NAV2: variants seen among roughly 807,000 people sequenced by gnomAD.
The protein encoded by NAV2 is helicase, APC down-regulated 1.
A neutral mutation model predicts 223.2 loss-of-function variants in NAV2; 54 were observed. The observed-to-expected ratio is 0.24, with a 90% CI of 0.19 to 0.30. The LOEUF (loss-of-function observed/expected upper bound fraction) is 0.30, where lower values mean the gene tolerates loss of function less well. Among genes scored for constraint, NAV2 ranks in the 10% least tolerant of loss-of-function variants. NAV2 has a pLI of 1.00. For synonymous variants in NAV2, 1,279 were observed against 1,239.3 expected, an observed-to-expected ratio of 1.03 and a Z score of -0.67; for missense variants, 2,806 against 3,147.5, an observed-to-expected ratio of 0.89 and a Z score of 2.60.
At chr11:19,640,478 C>T (rs1347215027) in intron 1 of NAV2, among the ~76,000 whole-genome samples, 1 of 151,748 alleles carries the variant, frequency 6.6e-6, no homozygotes, top group Non-Finnish European at 1.5e-5. Context: ...ATATATACTA[C>T]TATATCTTAT....
At chr11:19,808,032 T>G (rs2058668364) in intron 1 of NAV2, among the ~76,000 whole-genome samples, 1 of 152,188 alleles carries the variant, frequency 6.6e-6, no homozygotes. Flanking sequence ...AGCTTGGTAT[T>G]GAGACCTGGC....
intron 1 of NAV2, among the ~76,000 whole-genome samples, chr11:19,539,283 CT>C (rs1416372969): frequency 6.6e-6 from 1 of 152,158 alleles, no homozygotes; most frequent in Non-Finnish European, 1.5e-5. Flanking sequence ...ACTTGTTTGT[CT>C]ACTCGTTTTC....
At chr11:19,613,828 C>T (rs1273546661) in intron 1 of NAV2, among the ~76,000 whole-genome samples, 1 of 152,204 alleles carries the variant, frequency 6.6e-6, no homozygotes, top group Admixed American at 6.5e-5. Flanking sequence ...GATTATATGA[C>T]ATAATTCATG....
chr11:19,707,337 C>G (rs765570432), intron 1 of NAV2, among the ~76,000 whole-genome samples: 1 of 152,198 alleles, frequency 6.6e-6, no homozygotes, highest in Non-Finnish European at 1.5e-5. Flanking sequence ...AACGCAAACA[C>G]ATTGTACAGC....
chr11:19,911,361 T>C (rs2043300939), intron 6 of NAV2, among the ~76,000 whole-genome samples: 1 of 152,188 alleles, frequency 6.6e-6, no homozygotes, highest in African/African-American at 2.4e-5. Flanking sequence ...AAGCGTATTC[T>C]AGACAGAACA....
At chr11:19,751,569 G>T (rs183233922) in intron 1 of NAV2, among the ~76,000 whole-genome samples, 1 of 152,150 alleles carries the variant, frequency 6.6e-6, no homozygotes, top group Non-Finnish European at 1.5e-5. Flanking sequence ...TGTTCCTGCT[G>T]TCTTAAATGC....
At chr11:19,458,336 G>A (rs1852032524) in intron 1 of NAV2, among the ~76,000 whole-genome samples, 1 of 152,198 alleles carries the variant, frequency 6.6e-6, no homozygotes, top group African/African-American at 2.4e-5. Flanking sequence ...CTGGTCAAAT[G>A]TAGAGGAAGC....
chr11:19,436,602 C>G (rs552192282), intron 1 of NAV2, among the ~76,000 whole-genome samples: 1 of 152,048 alleles, frequency 6.6e-6, no homozygotes, highest in South Asian at 2.1e-4. Context: ...ATTGTTTTTC[C>G]TATTTCTGTG....
chr11:19,775,701 C>T (rs1465539308), intron 1 of NAV2, among the ~76,000 whole-genome samples: 2 of 152,290 alleles, frequency 1.3e-5, no homozygotes, highest in East Asian at 3.9e-4. Flanking sequence ...GAAGTTTCAA[C>T]ATTAGGAGTC....
chr11:19,449,015 AT>A (rs1355081724), intron 1 of NAV2, among the ~76,000 whole-genome samples: 1 of 152,178 alleles, frequency 6.6e-6, no homozygotes, highest in African/African-American at 2.4e-5. Context: ...AAACTGTGAA[AT>A]GCAATTTGTA....
intron 11 of NAV2, among the ~76,000 whole-genome samples, chr11:20,025,658 G>C (rs1234895284): frequency 6.6e-6 from 1 of 152,200 alleles, no homozygotes; most frequent in African/African-American, 2.4e-5. Context: ...AAGGTGCGGT[G>C]GGGTGAAACT....
intron 1 of NAV2, among the ~76,000 whole-genome samples, chr11:19,655,925 C>A (rs2048112072): frequency 6.6e-6 from 1 of 151,960 alleles, no homozygotes; most frequent in African/African-American, 2.4e-5. Context: ...TTAGGGGTGA[C>A]CAGAAAGATC....
intron 1 of NAV2, among the ~76,000 whole-genome samples, chr11:19,726,311 C>T (rs1465438148): frequency 6.6e-6 from 1 of 152,154 alleles, no homozygotes; most frequent in African/African-American, 2.4e-5. Context: ...CTGTCCTGTT[C>T]CTATAGGATA....
intron 5 of NAV2, among the ~76,000 whole-genome samples, chr11:19,889,119 G>A (rs1234903298): frequency 1.3e-5 from 2 of 152,124 alleles, no homozygotes; most frequent in African/African-American, 4.8e-5. Flanking sequence ...TTGAACCCCA[G>A]TACTTAAAAG....
At chr11:19,608,730 C>T (rs1203376862) in intron 1 of NAV2, among the ~76,000 whole-genome samples, 1 of 152,216 alleles carries the variant, frequency 6.6e-6, no homozygotes, top group Non-Finnish European at 1.5e-5. Context: ...TCTATTGGTT[C>T]CCTGTTGCTA....
At chr11:19,422,993 T>TA (rs1390811633) in intron 1 of NAV2, among the ~76,000 whole-genome samples, 3 of 152,238 alleles carry the variant, frequency 2.0e-5, no homozygotes, top group African/African-American at 4.8e-5. Flanking sequence ...TCAAGTTACT[T>TA]AACCCTTGTG....
intron 1 of NAV2, among the ~76,000 whole-genome samples, chr11:19,653,568 C>T (rs1206515362): frequency 3.3e-5 from 5 of 152,178 alleles, no homozygotes; most frequent in African/African-American, 9.7e-5. Flanking sequence ...GGCATCAAAA[C>T]CTCATGCTGT....
intron 2 of NAV2, among the ~76,000 whole-genome samples, chr11:19,837,328 T>G (rs926829405): frequency 5.9e-5 from 9 of 152,220 alleles, no homozygotes; most frequent in African/African-American, 2.2e-4. Flanking sequence ...AGTTGCAGCC[T>G]TCTGGTGAAT....
At position 19,778,304 on chromosome 11, in the gene NAV2, C is replaced by G. The variant is rs1485532160; in HGVS notation, c.268-54180C>G. 4 of 454,674 alleles carry G rather than the reference C, an allele frequency of 8.8e-6. No individual in the cohort carries two copies. The East Asian group carries it at 2.8e-4, about 32-fold the overall frequency. The allele number at this position is 454,674 out of a possible 1,614,324, so 28.2% of individuals were successfully genotyped here. ...AAGTCAGCCAGTGCTGTGGCCAAGT[C>G]GGTTAACCCCCTTGGATGTTAGTTT... On this transcript the variant is annotated intron_variant, in intron 1 of 37. Transcript: ENST00000349880.
Sources: allele counts gnomAD v4.1 joint callset (sites outside exome capture counted in the v4.1 genomes callset), GRCh38; gene constraint gnomAD v4.1.1; transcripts MANE v1.5; gene names NCBI Gene and HGNC (gene_info 2026-07-23, HGNC 2026-07-21).